The following CFAP44 variants were observed in gnomAD, a reference collection of about 807,000 sequenced individuals.
The protein encoded by CFAP44 is cilia and flagella associated protein 44.
In CFAP44, 134 loss-of-function variants were observed where a neutral mutation model predicts 216.2. That is an observed-to-expected ratio of 0.62 (90% CI 0.54 to 0.72). CFAP44 has a LOEUF of 0.72. CFAP44 is among the 30% of genes least tolerant of loss of function. The pLI, the probability that CFAP44 is intolerant of heterozygous loss-of-function variation, is 0.00. For missense variants in CFAP44, 2,035 were observed against 2,182.1 expected (o/e 0.93, Z 1.34); for synonymous variants, 700 against 727.6 (o/e 0.96, Z 0.61).
chr3:113,342,356 A>G (rs1276972975), intron 23 of CFAP44, among the ~76,000 whole-genome samples: 1 of 152,086 alleles, frequency 6.6e-6, no homozygotes. Flanking sequence ...CAAAACAAAA[A>G]CAAAAATGTA....
At chr3:113,330,126 TTC>T (rs1950227867) in intron 26 of CFAP44, 40 bp downstream of exon 26, 3 of 1,457,510 alleles carry the variant, frequency 2.1e-6, no homozygotes, top group African/African-American at 2.9e-5. Context: ...TTCCCTTCTC[TTC>T]TCTCTTTCAG....
intron 3 of CFAP44, 72 bp downstream of exon 3, chr3:113,427,115 T>C (rs1436959262): frequency 1.3e-6 from 2 of 1,490,850 alleles, no homozygotes; most frequent in Non-Finnish European, 1.8e-6. Context: ...TATGGATTTA[T>C]AACTCTTCCA....
At chr3:113,321,389 T>C (rs1950145025) in intron 28 of CFAP44, among the ~76,000 whole-genome samples, 1 of 152,208 alleles carries the variant, frequency 6.6e-6, no homozygotes, top group Non-Finnish European at 1.5e-5. Flanking sequence ...ATAAGAGCGC[T>C]ATGTCAAATC....
intron 6 of CFAP44, 133 bp from the exon 7 acceptor site, chr3:113,409,455 C>T: frequency 2.7e-6 from 2 of 728,780 alleles, no homozygotes; most frequent in South Asian, 1.9e-5. Flanking sequence ...GGAACAATTC[C>T]AAAAACATTC....
intron 28 of CFAP44, among the ~76,000 whole-genome samples, chr3:113,313,518 A>G (rs765228934): frequency 2.0e-5 from 3 of 152,130 alleles, no homozygotes; most frequent in Non-Finnish European, 4.4e-5. Flanking sequence ...TTGAAATGTA[A>G]GGACATGAGA....
chr3:113,305,020 T>C lies in CFAP44; in HGVS notation c.4875+16A>G, dbSNP rs1257486532. On this transcript the variant is annotated intron_variant, in intron 31 of 34. Transcript: ENST00000393845. The stretch of plus-strand genomic sequence containing the variant: ...TCTTCTCGGACAGGATGGAGCAGCC[T>C]CCCCAGACGCATCACCTGGTGGAGC... The C allele has an allele frequency of 6.5e-7, 1 of 1,535,680 alleles. No homozygotes were observed. The highest frequency in any genetic ancestry group is 2.4e-5 in the East Asian group (1 of 40,916).
chr3:113,396,923 A>G (rs11929418), intron 13 of CFAP44, among the ~76,000 whole-genome samples, 196 bp from the exon 14 acceptor site: 11,295 of 152,290 alleles, frequency 0.074, 485 homozygotes, highest in East Asian at 0.16. Context: ...GATAAACAAC[A>G]TTAATTCAAA....
At chr3:113,418,759 G>A (rs1934724051) in intron 5 of CFAP44, among the ~76,000 whole-genome samples, 1 of 151,906 alleles carries the variant, frequency 6.6e-6, no homozygotes, top group African/African-American at 2.4e-5. Context: ...AGGCTGAAGT[G>A]CAACGGCATG....
intron 15 of CFAP44, among the ~76,000 whole-genome samples, chr3:113,383,119 G>A (rs956033596): frequency 6.6e-6 from 1 of 152,228 alleles, no homozygotes; most frequent in Non-Finnish European, 1.5e-5. Flanking sequence ...TGCTAGATGG[G>A]TATGAAGAAA....
chr3:113,373,360 T>C lies in CFAP44; in HGVS notation c.2444+51A>G, dbSNP rs372072452. 2.1e-5 allele frequency: 30 copies of C among 1,398,558 alleles called. No homozygotes were observed. In the South Asian group the frequency reaches 4.4e-4, roughly 21 times the overall value. 86.6% of individuals were successfully genotyped at this position (1,398,558 alleles called of 1,614,324 possible). ...ACAATATCCATGATGAACAAAAGCA[T>C]AGACACTAACAGGATATGGTTTTTT... On this transcript the variant is annotated intron_variant, in intron 18 of 34. Transcript: ENST00000393845.
intron 2 of CFAP44, among the ~76,000 whole-genome samples, chr3:113,427,821 T>A (rs1477396788): frequency 6.6e-6 from 1 of 152,020 alleles, no homozygotes; most frequent in African/African-American, 2.4e-5. Context: ...GCCCCAGGTA[T>A]AAGCCAACAT....
rs60866565 is a variant in CFAP44, at chr3:113,302,457, T to TAAAAAAAAAAAA, written c.5077+1447_5077+1458dup. On this transcript the variant is annotated intron_variant, in intron 32 of 34. Transcript: ENST00000393845. ...GTATCCAAAGATACACTAGACAAAG[T>TAAAAAAAAAAAA]AAAAAAAAAAAAAAAAAAAAAAAGA... 7.1e-4 allele frequency among the ~76,000 whole-genome samples: 54 copies of TAAAAAAAAAAAA among 75,788 alleles called. 5 individuals are homozygous for TAAAAAAAAAAAA. Among genetic ancestry groups the TAAAAAAAAAAAA allele is most frequent in the African/African-American group, 2.2e-3 (50 of 23,224 alleles). The allele number at this position is 75,788 out of a possible 152,430, so 49.7% of individuals were successfully genotyped here.
At chr3:113,296,372 A>T (rs1432487190) in intron 33 of CFAP44, among the ~76,000 whole-genome samples, 1 of 152,116 alleles carries the variant, frequency 6.6e-6, no homozygotes, top group East Asian at 1.9e-4. Flanking sequence ...TTCTCCAATG[A>T]TTAGTGATGC....
intron 30 of CFAP44, 120 bp downstream of exon 30, chr3:113,306,081 C>G: frequency 7.9e-7 from 1 of 1,263,692 alleles, no homozygotes; most frequent in Non-Finnish European, 1.0e-6. Context: ...CTGCCCTTAA[C>G]ATTTGAAATG....
chr3:113,414,995 G>T (rs1264098026), intron 6 of CFAP44, among the ~76,000 whole-genome samples: 2 of 151,444 alleles, frequency 1.3e-5, no homozygotes. Flanking sequence ...TGGTCCTGGA[G>T]TTTTTTTTGG....
intron 22 of CFAP44, among the ~76,000 whole-genome samples, chr3:113,354,198 T>A (rs1950473425): frequency 6.6e-6 from 1 of 152,138 alleles, no homozygotes; most frequent in Non-Finnish European, 1.5e-5. Context: ...AGGATTAGCT[T>A]GCGGATGGGG....
intron 15 of CFAP44, among the ~76,000 whole-genome samples, chr3:113,381,649 A>G (rs189368690): frequency 6.6e-6 from 1 of 152,296 alleles, no homozygotes; most frequent in East Asian, 1.9e-4. Flanking sequence ...CTGTCTCTTG[A>G]CTTCAAAACC....
chr3:113,317,752 C>T (rs1163538428), intron 28 of CFAP44, among the ~76,000 whole-genome samples: 1 of 152,222 alleles, frequency 6.6e-6, no homozygotes, highest in African/African-American at 2.4e-5. Flanking sequence ...AGTTCCTGGG[C>T]TGGGGTGAGA....
intron 25 of CFAP44, among the ~76,000 whole-genome samples, chr3:113,333,082 C>T (rs935936390): frequency 6.6e-6 from 1 of 152,128 alleles, no homozygotes; most frequent in Non-Finnish European, 1.5e-5. Flanking sequence ...CAAACTCCGA[C>T]CTAGATTACC....
Sources: gnomAD v4.1 joint callset for allele counts (sites outside exome capture counted in the v4.1 genomes callset) on GRCh38, gnomAD v4.1.1 for gene constraint, MANE v1.5 for transcripts, NCBI Gene and HGNC (gene_info 2026-07-23, HGNC 2026-07-21) for gene names.